HADH: variants seen among roughly 807,000 people sequenced by gnomAD.
HADH encodes hydroxyacyl-coenzyme A dehydrogenase, mitochondrial.
Under a neutral mutation model 32.2 loss-of-function variants are expected in HADH, and 24 were observed. That is an observed-to-expected ratio of 0.75 (90% CI 0.54 to 1.05). HADH has a LOEUF of 1.05. HADH is among the 50% of genes least tolerant of loss of function. HADH has a pLI of 0.00. For synonymous variants in HADH, 139 were observed against 152.5 expected (o/e 0.91, Z 0.65); for missense variants, 350 against 397.1 (o/e 0.88, Z 1.01).
Position 107,989,908 on chromosome 4 carries a change from T to C in HADH, c.-25T>C. 1 of 1,608,614 alleles carries C rather than the reference T, an allele frequency of 6.2e-7. No individual in the cohort carries two copies. The highest frequency in any genetic ancestry group is 2.2e-5 in the East Asian group (1 of 44,682). Reference sequence around the variant, plus strand: ...GCGCGTCTTCCCTGCCCGGGTCTCCTCGCTGTCGCCGCCGCTGCCACACCA... The same window carrying C: ...GCGCGTCTTCCCTGCCCGGGTCTCCCCGCTGTCGCCGCCGCTGCCACACCA... On this transcript the variant is annotated 5_prime_UTR_variant, in exon 1 of 8. Transcript: ENST00000309522.
intron 1 of HADH, among the ~76,000 whole-genome samples, chr4:107,997,486 G>A (rs1271766245): frequency 6.6e-6 from 1 of 152,032 alleles, no homozygotes; most frequent in East Asian, 1.9e-4. Context: ...TGCTTGGCAT[G>A]TTTACTTGGT....
intron 5 of HADH, chr4:108,026,115 C>G (rs1226673814): frequency 6.6e-6 from 1 of 152,154 alleles, no homozygotes; most frequent in East Asian, 1.9e-4. Flanking sequence ...AATCTCAGCT[C>G]ACTGCAACCT....
chr4:108,017,331 C>G (rs1391587896), intron 3 of HADH, among the ~76,000 whole-genome samples: 1 of 152,136 alleles, frequency 6.6e-6, no homozygotes, highest in Admixed American at 6.6e-5. Context: ...TCCTGACTTT[C>G]CCCTTTAGAC....
At chr4:108,017,376 C>T (rs923379627) in intron 3 of HADH, among the ~76,000 whole-genome samples, 1 of 152,122 alleles carries the variant, frequency 6.6e-6, no homozygotes. Flanking sequence ...GCCATCCCCA[C>T]CAACCCTCTT....
At chr4:108,016,263 G>C (rs1403805382) in intron 3 of HADH, among the ~76,000 whole-genome samples, 1 of 152,176 alleles carries the variant, frequency 6.6e-6, no homozygotes, top group African/African-American at 2.4e-5. Context: ...TATGACAAAA[G>C]CAATTCTCAG....
intron 1 of HADH, among the ~76,000 whole-genome samples, chr4:108,007,359 G>A (rs1462385663): frequency 1.3e-5 from 2 of 152,090 alleles, no homozygotes; most frequent in East Asian, 1.9e-4. Context: ...CGCCTGCCTC[G>A]GCCTCCCAAA....
At chr4:108,022,352 G>A (rs1159642204) in intron 4 of HADH, among the ~76,000 whole-genome samples, 3 of 152,096 alleles carry the variant, frequency 2.0e-5, no homozygotes, top group Non-Finnish European at 2.9e-5. Context: ...AGGGCTGACT[G>A]TGCCGGGCAT....
At chr4:107,994,382 A>G (rs1734897291) in intron 1 of HADH, among the ~76,000 whole-genome samples, 1 of 152,186 alleles carries the variant, frequency 6.6e-6, no homozygotes. Flanking sequence ...ATAAGGATTC[A>G]GGTAGACCTG....
intron 4 of HADH, among the ~76,000 whole-genome samples, chr4:108,022,933 C>T (rs549909366): frequency 1.8e-4 from 28 of 152,044 alleles, no homozygotes; most frequent in Non-Finnish European, 2.8e-4. Flanking sequence ...TATACACACA[C>T]GTACACACAT....
chr4:108,027,959 G>A, intron 6 of HADH, 199 bp downstream of exon 6: 1 of 621,090 alleles, frequency 1.6e-6, no homozygotes, highest in Non-Finnish European at 2.9e-6. Context: ...CTTCCCTGTG[G>A]GCCTCTGAGA....
chr4:108,009,624 A>T, intron 1 of HADH, 135 bp from the exon 2 acceptor site: 1 of 742,130 alleles, frequency 1.3e-6, no homozygotes, highest in Admixed American at 2.1e-5. Context: ...TCATATGTTC[A>T]CTCGGTATTT....
rs748286204 is a variant in HADH, at chr4:107,989,899, C to T, written c.-34C>T. 152 of 1,606,824 alleles carry T rather than the reference C, an allele frequency of 9.5e-5. No individual in the cohort carries two copies. The highest frequency in any genetic ancestry group is 5.1e-4 in the South Asian group (46 of 89,656). On this transcript the variant is annotated 5_prime_UTR_variant, in exon 1 of 8. Coordinates refer to ENST00000309522, the MANE Select transcript of HADH (RefSeq NM_005327.7). ...GCCCGCCTCGCGCGTCTTCCCTGCC[C>T]GGGTCTCCTCGCTGTCGCCGCCGCT...
rs545902081 is a variant in HADH at position 108,029,170 on chromosome 4, C to T, written c.709+1410C>T. On this transcript the variant is annotated intron_variant, in intron 6 of 7. Transcript: ENST00000309522. ...CCCTAGGCCTCTTACCATGTCCCCC[C>T]GCCCACCACCTGCTCCCTCCTCTCA... The T allele has an allele frequency of 2.4e-4, 78 of 329,736 alleles. 2 individuals carry two copies. In the Admixed American group the frequency reaches 3.4e-3, roughly 14 times the overall value. 20.4% of individuals were successfully genotyped at this position (329,736 alleles called of 1,614,324 possible).
chr4:107,990,695 A>T (rs1216013740), intron 1 of HADH, among the ~76,000 whole-genome samples: 1 of 151,140 alleles, frequency 6.6e-6, no homozygotes, highest in Non-Finnish European at 1.5e-5. Context: ...CCGTCTGTGC[A>T]GAGTTCTGAG....
intron 4 of HADH, 115 bp downstream of exon 4, chr4:108,019,781 G>A: frequency 8.6e-7 from 1 of 1,164,900 alleles, no homozygotes; most frequent in East Asian, 2.3e-5. Context: ...TAACCTGAGG[G>A]TAGAAGGTTG....
At chr4:108,009,979 T>A in intron 2 of HADH, 92 bp downstream of exon 2, 1 of 722,970 alleles carries the variant, frequency 1.4e-6, no homozygotes, top group Non-Finnish European at 2.2e-6. Context: ...CTTTCTTTCT[T>A]TTTTTTTTTT....
intron 6 of HADH, chr4:108,028,624 C>A (rs915368161): frequency 2.6e-6 from 1 of 382,236 alleles, no homozygotes; most frequent in Non-Finnish European, 4.6e-6. Context: ...TTTATGGAAG[C>A]AATTGCCTCA....
intron 1 of HADH, chr4:108,005,101 C>T (rs1047584948): frequency 4.7e-5 from 21 of 446,386 alleles, no homozygotes; most frequent in Non-Finnish European, 8.4e-5. Flanking sequence ...TACCTTCTTT[C>T]TTAATATTTG....
Position 108,021,166 on chromosome 4 carries a change from G to T in HADH, c.546+1500G>T, listed in dbSNP as rs1041269056. On this transcript the variant is annotated intron_variant, in intron 4 of 7. Coordinates refer to ENST00000309522, the MANE Select transcript of HADH (RefSeq NM_005327.7). ...TCTCATGCAGATTAAGAGCAAAGAA[G>T]TGGCATGCATTTCCAACATTTCAGT... Among the ~76,000 whole-genome samples, 194 of 152,326 alleles carry T rather than the reference G, an allele frequency of 1.3e-3. 2 individuals are homozygous for T. The highest frequency in any genetic ancestry group is 3.2e-4 in the Non-Finnish European group (22 of 68,028).
Sources: allele counts gnomAD v4.1 joint callset (sites outside exome capture counted in the v4.1 genomes callset), GRCh38; gene constraint gnomAD v4.1.1; transcripts MANE v1.5; gene names NCBI Gene and HGNC (gene_info 2026-07-23, HGNC 2026-07-21).